The following DPP10 variants were observed in gnomAD, a reference collection of about 807,000 sequenced individuals.
The protein encoded by DPP10 is dipeptidyl peptidase like 10, also known as inactive dipeptidyl peptidase 10.
DPP10 carries 33 observed loss-of-function variants against 120.9 expected under a neutral mutation model. The ratio of observed to expected loss-of-function variants is 0.27; its 90% CI spans 0.21 to 0.37. DPP10 has a LOEUF of 0.37. Among genes scored for constraint, DPP10 ranks in the 10% least tolerant of loss-of-function variants. The pLI, the probability that DPP10 is intolerant of heterozygous loss-of-function variation, is 1.00. For missense variants in DPP10, 816 were observed against 942.8 expected, an observed-to-expected ratio of 0.87 and a Z score of 1.76; for synonymous variants, 337 against 326.1, an observed-to-expected ratio of 1.03 and a Z score of -0.36.
intron 1 of DPP10, among the ~76,000 whole-genome samples, chr2:115,237,246 T>C (rs1263001233): frequency 1.0e-5 from 1 of 98,486 alleles, no homozygotes; most frequent in Non-Finnish European, 2.1e-5. Context: ...AATTAATTCA[T>C]TATTATTGTA....
chr2:115,435,051 CATATATATAT>C (rs58828924), intron 3 of DPP10, among the ~76,000 whole-genome samples: 1 of 148,106 alleles, frequency 6.8e-6, no homozygotes, highest in Non-Finnish European at 1.5e-5. Flanking sequence ...CACATGCACA[CATATATATAT>C]ATATATATAT....
intron 7 of DPP10, among the ~76,000 whole-genome samples, chr2:115,708,629 CT>C (rs1168592827): frequency 6.6e-6 from 1 of 151,778 alleles, no homozygotes; most frequent in Non-Finnish European, 1.5e-5. Flanking sequence ...TCCAAAAGAG[CT>C]TTTTTTGGGG....
intron 2 of DPP10, among the ~76,000 whole-genome samples, chr2:115,339,789 T>C (rs1187957964): frequency 6.6e-6 from 1 of 152,146 alleles, no homozygotes; most frequent in African/African-American, 2.4e-5. Context: ...GAGTAGTGGT[T>C]GGTTGCCAAG....
intron 1 of DPP10, among the ~76,000 whole-genome samples, chr2:114,756,249 T>C (rs148044179): frequency 5.8e-4 from 89 of 152,286 alleles, no homozygotes; most frequent in African/African-American, 2.0e-3. Flanking sequence ...AAGAAAGACA[T>C]GCATACAAGT....
chr2:115,766,918 T>C (rs1680832251), intron 12 of DPP10, among the ~76,000 whole-genome samples: 1 of 152,146 alleles, frequency 6.6e-6, no homozygotes, highest in Non-Finnish European at 1.5e-5. Flanking sequence ...CTCACCCCCG[T>C]GATCCAGTCA....
chr2:115,064,918 G>A (rs1448521853), intron 1 of DPP10: 3 of 1,129,398 alleles, frequency 2.7e-6, no homozygotes, highest in Non-Finnish European at 2.3e-6. Flanking sequence ...TTTCTTTTTT[G>A]TTTTAAGCAT....
intron 21 of DPP10, among the ~76,000 whole-genome samples, chr2:115,830,425 T>A: frequency 6.6e-6 from 1 of 152,134 alleles, no homozygotes; most frequent in East Asian, 1.9e-4. Flanking sequence ...TAAACATTTT[T>A]TTTTAGAACA....
intron 1 of DPP10, among the ~76,000 whole-genome samples, chr2:115,187,328 G>T (rs376866903): frequency 6.6e-6 from 1 of 151,976 alleles, no homozygotes; most frequent in East Asian, 1.9e-4. Context: ...GAGCCACCGC[G>T]CCCGGCCGGT....
chr2:115,537,043 T>C (rs1013565364), intron 5 of DPP10, among the ~76,000 whole-genome samples: 5 of 152,058 alleles, frequency 3.3e-5, no homozygotes, highest in Middle Eastern at 3.2e-3. Context: ...AATGGAGTCA[T>C]CATTTGTATC....
At chr2:115,055,091 C>T (rs1245702164) in intron 1 of DPP10, among the ~76,000 whole-genome samples, 1 of 152,090 alleles carries the variant, frequency 6.6e-6, no homozygotes, top group Admixed American at 6.6e-5. Flanking sequence ...TGTATGGTGC[C>T]TGAAATAAAC....
At chr2:115,829,720 C>A (rs1163479254) in intron 21 of DPP10, among the ~76,000 whole-genome samples, 1 of 151,930 alleles carries the variant, frequency 6.6e-6, no homozygotes, top group Non-Finnish European at 1.5e-5. Flanking sequence ...AAATCTCTCT[C>A]CTGCTGCTTT....
At chr2:114,521,679 C>T (rs186985734) in intron 1 of DPP10, among the ~76,000 whole-genome samples, 12 of 151,998 alleles carry the variant, frequency 7.9e-5, no homozygotes, top group Non-Finnish European at 1.6e-4. Flanking sequence ...GAAACATCTC[C>T]TGATGAATAG....
intron 3 of DPP10, among the ~76,000 whole-genome samples, chr2:115,382,709 T>C (rs1274622658): frequency 1.3e-5 from 2 of 152,196 alleles, no homozygotes; most frequent in Non-Finnish European, 2.9e-5. Flanking sequence ...TTGAGTTGGA[T>C]GTATAAAAAA....
At chr2:115,385,750 G>T (rs1172321605) in intron 3 of DPP10, among the ~76,000 whole-genome samples, 4 of 152,112 alleles carry the variant, frequency 2.6e-5, no homozygotes, top group Non-Finnish European at 2.9e-5. Context: ...ATTTCTGACA[G>T]CTTCCCTGTC....
At position 115,040,260 on chromosome 2, in the gene DPP10, G is replaced by A. The variant is rs552070494; in HGVS notation, c.61-268979G>A. Among the ~76,000 whole-genome samples, 431 of 151,858 alleles carry A rather than the reference G, an allele frequency of 2.8e-3. 3 individuals are homozygous for A. The highest frequency in any genetic ancestry group is 9.8e-3 in the African/African-American group (407 of 41,460). On this transcript the variant is annotated intron_variant, in intron 1 of 25. Transcript: ENST00000410059. ...CAGGTGATCACAGAAAACCAAAAAA[G>A]AGTAGGAATATTTAATGTAGACATG... is the stretch of plus-strand genomic sequence containing the variant.
intron 1 of DPP10, among the ~76,000 whole-genome samples, chr2:115,295,979 A>C (rs1164270067): frequency 6.6e-6 from 1 of 152,148 alleles, no homozygotes; most frequent in Non-Finnish European, 1.5e-5. Context: ...TGTGTGGAAA[A>C]ATAAACTTTT....
intron 5 of DPP10, among the ~76,000 whole-genome samples, chr2:115,640,317 G>A (rs1486516394): frequency 8.1e-6 from 1 of 123,522 alleles, no homozygotes; most frequent in Non-Finnish European, 1.7e-5. Flanking sequence ...AGAAAAATGA[G>A]AACTTCACAC....
At position 114,748,347 on chromosome 2, in the gene DPP10, TTTTA is replaced by T. The variant is rs1327596235; in HGVS notation, c.60+305513_60+305516del. ...GGACAAAGGGAATTTTCTTTTTTTT[TTTTA>T]TTTTTTTTTATTTTATTTATTTATT... is the stretch of plus-strand genomic sequence containing the variant. On this transcript the variant is annotated intron_variant, in intron 1 of 25. Coordinates refer to ENST00000410059, the MANE Select transcript of DPP10 (RefSeq NM_020868.6). 6.4e-3 allele frequency among the ~76,000 whole-genome samples: 826 copies of T among 128,334 alleles called. 22 individuals are homozygous for T. The highest frequency in any genetic ancestry group is 0.023 in the African/African-American group (734 of 32,052). The allele number at this position is 128,334 out of a possible 152,430, so 84.2% of individuals were successfully genotyped here.
chr2:114,602,511 G>A (rs1692456292), intron 1 of DPP10, among the ~76,000 whole-genome samples: 1 of 151,826 alleles, frequency 6.6e-6, no homozygotes, highest in African/African-American at 2.4e-5. Context: ...CTGAGTCTGG[G>A]CCAGAGAGAT....
Sources: allele counts gnomAD v4.1 joint callset (sites outside exome capture counted in the v4.1 genomes callset), GRCh38; gene constraint gnomAD v4.1.1; transcripts MANE v1.5; gene names NCBI Gene and HGNC (gene_info 2026-07-23, HGNC 2026-07-21).